The following CA5A variants were observed in gnomAD, a reference collection of about 807,000 sequenced individuals.
CA5A encodes the protein carbonic anhydrase 5A, mitochondrial.
In CA5A, 28 loss-of-function variants were observed where a neutral mutation model predicts 37.1. That is an observed-to-expected ratio of 0.75 (90% confidence interval 0.56 to 1.03). CA5A has a LOEUF of 1.03. CA5A is among the 50% of genes least tolerant of loss of function. The probability of loss-of-function intolerance (pLI) is 0.00; values close to 1 mark genes in which losing one functional copy is unlikely to be tolerated. For synonymous variants in CA5A, 171 were observed against 158.4 expected (o/e 1.08, Z -0.60); for missense variants, 444 against 399.9 (o/e 1.11, Z -0.94).
intron 2 of CA5A, among the ~76,000 whole-genome samples, chr16:87,921,313 G>A (rs1400737187): frequency 6.6e-6 from 1 of 152,228 alleles, no homozygotes; most frequent in Non-Finnish European, 1.5e-5. Context: ...TATTAGTACA[G>A]GGGTTGACTT....
intron 5 of CA5A, among the ~76,000 whole-genome samples, chr16:87,894,954 A>G (rs1352890661): frequency 1.3e-5 from 2 of 152,162 alleles, no homozygotes; most frequent in East Asian, 1.9e-4. Flanking sequence ...TCTCCCATCT[A>G]AAGTGTACAG....
chr16:87,900,311 C>A (rs1194976624), intron 5 of CA5A, among the ~76,000 whole-genome samples: 3 of 152,188 alleles, frequency 2.0e-5, no homozygotes, highest in African/African-American at 7.2e-5. Context: ...AGAACCGTGG[C>A]CTTGTGAAGT....
chr16:87,904,988 G>A lies in CA5A; in HGVS notation c.341-84C>T, dbSNP rs2055938644. ...TTACCTGAGGCATTGTCTACATTAG[G>A]GTTATATGAGTTCACTCGCAAGGGG... On this transcript the variant is annotated intron_variant, in intron 2 of 6. Coordinates refer to ENST00000649794, the MANE Select transcript of CA5A (RefSeq NM_001739.2). The A allele has an allele frequency of 7.4e-6, 6 of 813,876 alleles. No homozygotes were observed. The Admixed American group carries it at 1.1e-4, about 14-fold the overall frequency. The allele number at this position is 813,876 out of a possible 1,614,324, so 50.4% of individuals were successfully genotyped here.
At chr16:87,900,046 C>G (rs1226607329) in intron 5 of CA5A, among the ~76,000 whole-genome samples, 1 of 151,522 alleles carries the variant, frequency 6.6e-6, no homozygotes, top group African/African-American at 2.4e-5. Flanking sequence ...TCCCCTGTCC[C>G]GGGCATCATT....
chr16:87,914,631 A>G (rs2056104864), intron 2 of CA5A, among the ~76,000 whole-genome samples: 1 of 148,490 alleles, frequency 6.7e-6, no homozygotes, highest in South Asian at 2.3e-4. Context: ...GGGCAGTTGC[A>G]GTGGGTGGGC....
At chr16:87,906,437 G>T (rs2055962371) in intron 2 of CA5A, among the ~76,000 whole-genome samples, 1 of 152,148 alleles carries the variant, frequency 6.6e-6, no homozygotes, top group African/African-American at 2.4e-5. Flanking sequence ...AGACCAGCCT[G>T]GCCAACGTGG....
downstream of CA5A, chr16:87,885,873 A>T (rs1053216827): frequency 6.6e-6 from 1 of 152,274 alleles, no homozygotes; most frequent in Non-Finnish European, 1.5e-5. Context: ...TTCTGTGTGG[A>T]TGCATCATGG....
chr16:87,920,167 C>A (rs1346351828), intron 2 of CA5A, among the ~76,000 whole-genome samples: 1 of 152,202 alleles, frequency 6.6e-6, no homozygotes, highest in East Asian at 1.9e-4. Flanking sequence ...AGCCAACTCA[C>A]CCCTCACCCG....
intron 1 of CA5A, among the ~76,000 whole-genome samples, chr16:87,928,813 G>C (rs1205543882): frequency 7.7e-6 from 1 of 129,890 alleles, no homozygotes; most frequent in East Asian, 2.3e-4. Context: ...CGGTCGCCCA[G>C]GCTGCAGTGC....
At chr16:87,908,582 C>CTCA (rs2055999710) in intron 2 of CA5A, among the ~76,000 whole-genome samples, 1 of 152,168 alleles carries the variant, frequency 6.6e-6, no homozygotes, top group Non-Finnish European at 1.5e-5. Context: ...ACCCACAAAA[C>CTCA]CTAGTAGAAA....
chr16:87,913,734 A>C (rs1400062803), intron 2 of CA5A, among the ~76,000 whole-genome samples: 1 of 138,968 alleles, frequency 7.2e-6, no homozygotes, highest in South Asian at 2.4e-4. Flanking sequence ...CGAGCACCTC[A>C]CCTCCCAGTG....
At chr16:87,896,348 G>A (rs2055802584) in intron 5 of CA5A, among the ~76,000 whole-genome samples, 1 of 152,194 alleles carries the variant, frequency 6.6e-6, no homozygotes, top group African/African-American at 2.4e-5. Context: ...ATGCCTGTGT[G>A]TTGCCTCATC....
At chr16:87,934,231 C>G (rs2056442699) in intron 1 of CA5A, among the ~76,000 whole-genome samples, 1 of 152,260 alleles carries the variant, frequency 6.6e-6, no homozygotes, top group South Asian at 2.1e-4. Context: ...TATCAACCCC[C>G]TGTTACAGAC....
At chr16:87,891,765 A>C (rs2055717242) in intron 6 of CA5A, 34 bp downstream of exon 6, 1 of 1,458,684 alleles carries the variant, frequency 6.9e-7, no homozygotes, top group Non-Finnish European at 9.0e-7. Flanking sequence ...GCCTTCCATG[A>C]AGCGCCATCG....
chr16:87,930,640 T>C (rs767118476), intron 1 of CA5A, among the ~76,000 whole-genome samples: 4 of 151,808 alleles, frequency 2.6e-5, no homozygotes, highest in Non-Finnish European at 5.9e-5. Context: ...CGGTGGGGAC[T>C]GCGGCGTGGG....
At chr16:87,903,250 G>A (rs904195421) in intron 3 of CA5A, among the ~76,000 whole-genome samples, 2 of 152,236 alleles carry the variant, frequency 1.3e-5, no homozygotes, top group East Asian at 1.9e-4. Context: ...GGCCAAGATG[G>A]TGAAACCCCG....
chr16:87,929,871 CA>C (rs58941982), intron 1 of CA5A, among the ~76,000 whole-genome samples: 729 of 62,186 alleles, frequency 0.012, 4 homozygotes, highest in Admixed American at 0.052. Flanking sequence ...GACTCCGTCT[CA>C]AAAAAAAAAA....
At chr16:87,882,536 T>A (rs2055616606) in intron 4 of CA5A, 1 of 152,340 alleles carries the variant, frequency 6.6e-6, no homozygotes, top group East Asian at 1.9e-4. Context: ...AACGACACCA[T>A]CCTGTCACTT....
downstream of CA5A, chr16:87,883,046 G>A (rs1471713021): frequency 6.6e-6 from 1 of 152,320 alleles, no homozygotes; most frequent in Non-Finnish European, 1.5e-5. Context: ...TTGAGACGGA[G>A]TCTCGCTCTG....
Sources: allele counts gnomAD v4.1 joint callset (sites outside exome capture counted in the v4.1 genomes callset), GRCh38; gene constraint gnomAD v4.1.1; transcripts MANE v1.5; gene names NCBI Gene and HGNC (gene_info 2026-07-23, HGNC 2026-07-21).